The following ZNF248 variants were observed in gnomAD, a reference collection of about 807,000 sequenced individuals.
ZNF248 encodes zinc finger protein 248, also known as KRAB protein domain.
ZNF248 carries 20 observed loss-of-function variants against 44.3 expected under a neutral mutation model. The ratio of observed to expected loss-of-function variants is 0.45; its 90% CI spans 0.32 to 0.66. The LOEUF is 0.66. ZNF248 is among the 30% of genes least tolerant of loss of function. The probability of loss-of-function intolerance (pLI) is 0.04; values close to 1 mark genes in which losing one functional copy is unlikely to be tolerated. For synonymous variants in ZNF248, 224 were observed against 229.0 expected (o/e 0.98, Z 0.20); for missense variants, 654 against 677.0 (o/e 0.97, Z 0.38).
intron 3 of ZNF248, among the ~76,000 whole-genome samples, chr10:37,843,696 T>A (rs141589073): frequency 6.6e-6 from 1 of 152,228 alleles, no homozygotes; most frequent in East Asian, 1.9e-4. Flanking sequence ...GCCAACAATG[T>A]CTGAACTGAG....
chr10:37,832,601 T>C lies in ZNF248; in HGVS notation c.754A>G (p.Ile252Val), dbSNP rs1367735317. 1 of 1,613,684 alleles carries C rather than the reference T, an allele frequency of 6.2e-7. No individual in the cohort carries two copies. ...CKYNECGRTFIESLKLNISQR... is the reference protein window; with the variant it reads ...CKYNECGRTFVESLKLNISQR... ...GATATATTCAGCTTTAAACTTTCAA[T>C]GAAGGTTCTTCCACATTCGTTATAT... Residue 252 changes from isoleucine (I) to valine (V), a missense_variant, in exon 6 of 6, where the codon ATT becomes GTT. By Grantham distance (29) the Ile-to-Val change is conservative (BLOSUM62 3). Coordinates refer to ENST00000395867, the MANE Select transcript of ZNF248 (RefSeq NM_021045.3).
chr10:37,833,045 G>C lies in ZNF248; in HGVS notation c.310C>G (p.Leu104Val). Residue 104 changes from leucine to valine, a missense_variant, in exon 6 of 6, where the codon CTA becomes GTA. By Grantham distance (32) the Leu-to-Val change is conservative. Transcript: ENST00000395867. ...CTTACTGTTTTGTTGTTGTGGAATA[G>C]AAGCTCCCAAAAATGGTCATCTTCA... ...ENEDDHFWEL[L>V]FHNNKTVSVE... The C allele has an allele frequency of 6.2e-7, 1 of 1,612,248 alleles. No homozygotes were observed. Among genetic ancestry groups the C allele is most frequent in the Non-Finnish European group, 8.5e-7 (1 of 1,179,442 alleles).
intron 6 of ZNF248, among the ~76,000 whole-genome samples, chr10:37,813,025 GAA>G (rs75862715): frequency 0.016 from 1,772 of 108,658 alleles, 14 homozygotes; most frequent in Middle Eastern, 0.023. Flanking sequence ...ATGGCAAAAA[GAA>G]AAAAAAAAAA....
chr10:37,772,298 C>G (rs1481292497), downstream of ZNF248, among the ~76,000 whole-genome samples: 1 of 151,492 alleles, frequency 6.6e-6, no homozygotes, highest in Non-Finnish European at 1.5e-5. Context: ...AGTCTGGTTT[C>G]TGCATTTACA....
chr10:37,838,041 T>C lies in ZNF248; in HGVS notation c.86A>G (p.Gln29Arg). Residue 29 changes from glutamine (Q) to arginine (R), a missense_variant, in exon 4 of 6, where the codon CAG becomes CGG. Physicochemically the swap from Gln to Arg is conservative, Grantham distance 43. Coordinates refer to ENST00000395867, the MANE Select transcript of ZNF248 (RefSeq NM_021045.3). ...GATCACATCTCTGTATAGAATCTTC[T>C]GAGCAGGGTCCAGCAGATACCACTC... ...QEEWYLLDPA[Q>R]KILYRDVILE... The C allele has an allele frequency of 6.2e-7, 1 of 1,613,952 alleles. No individual in the cohort carries two copies. Among genetic ancestry groups the C allele is most frequent in the Non-Finnish European group, 8.5e-7 (1 of 1,179,890 alleles).
intron 6 of ZNF248, among the ~76,000 whole-genome samples, chr10:37,787,669 G>C (rs1401955457): frequency 6.6e-6 from 1 of 151,224 alleles, no homozygotes; most frequent in Admixed American, 6.6e-5. Context: ...TAGTAACTTA[G>C]ACCTTTACCT....
At chr10:37,807,729 T>C (rs2050788647) in intron 6 of ZNF248, among the ~76,000 whole-genome samples, 1 of 152,232 alleles carries the variant, frequency 6.6e-6, no homozygotes, top group Non-Finnish European at 1.5e-5. Context: ...ACACAACTGA[T>C]TTTTGTGTGT....
At chr10:37,802,880 T>TGTTGCCTG (rs2049998640) in intron 6 of ZNF248, 1 of 152,278 alleles carries the variant, frequency 6.6e-6, no homozygotes, top group Admixed American at 6.5e-5. Flanking sequence ...TGTACCACAG[T>TGTTGCCTG]GGTATGATTC....
chr10:37,823,688 C>A (rs1207000586), intron 6 of ZNF248, among the ~76,000 whole-genome samples: 1 of 152,020 alleles, frequency 6.6e-6, no homozygotes, highest in African/African-American at 2.4e-5. Context: ...ATTCTTGTGT[C>A]TTAGCCTCCT....
chr10:37,841,695 A>G (rs1183880138), intron 3 of ZNF248, among the ~76,000 whole-genome samples: 1 of 152,244 alleles, frequency 6.6e-6, no homozygotes, highest in Non-Finnish European at 1.5e-5. Context: ...GTGGAGAAAC[A>G]TGACCACACT....
intron 6 of ZNF248, chr10:37,819,587 T>C (rs2053124443): frequency 3.4e-6 from 3 of 877,324 alleles, no homozygotes; most frequent in South Asian, 1.3e-5. Context: ...ATCTTCATTA[T>C]GTATCCTTTT....
In ZNF248 at chr10:37,819,828, C is replaced by T. The variant is rs1243986396; in HGVS notation, c.330+13197G>A. On this transcript the variant is annotated intron_variant, in intron 6 of 6. Transcript: ENST00000615949. ...CCCATGGCAGGAGGTTTCCGCTTTG[C>T]TAACATTTTCCGTTGTCTATCTCTT... 20 of 786,974 alleles carry T rather than the reference C, an allele frequency of 2.5e-5. No homozygotes were observed. The Admixed American group carries it at 3.2e-4, about 13-fold the overall frequency. The allele number at this position is 786,974 out of a possible 1,614,324, so 48.7% of individuals were successfully genotyped here. A position where few individuals can be genotyped will look rare whatever the true frequency, so the allele number is the denominator to read the frequency against.
intron 6 of ZNF248, among the ~76,000 whole-genome samples, chr10:37,781,562 C>T (rs1001336455): frequency 1.3e-5 from 2 of 150,916 alleles, no homozygotes; most frequent in Admixed American, 6.6e-5. Context: ...ACCCCTTAGC[C>T]GTTAATTCAG....
At chr10:37,809,425 C>A (rs182676621) in intron 6 of ZNF248, among the ~76,000 whole-genome samples, 26 of 152,112 alleles carry the variant, frequency 1.7e-4, no homozygotes, top group African/African-American at 6.3e-4. Flanking sequence ...TTACAGGCAC[C>A]CGCCACCATG....
At chr10:37,766,119 C>T in the ZNF248 span, among the ~76,000 whole-genome samples, 4 of 152,402 alleles carry the variant, frequency 2.6e-5, no homozygotes, top group East Asian at 7.7e-4. Context: ...GAAGCTCGAA[C>T]TGGGTGGAGC....
intron 6 of ZNF248, chr10:37,796,233 T>C (rs1046254233): frequency 6.6e-6 from 1 of 151,996 alleles, no homozygotes; most frequent in Non-Finnish European, 1.5e-5. Flanking sequence ...TTTTTTTTTT[T>C]TTTTGACAGT....
chr10:37,769,497 T>C, the ZNF248 span, among the ~76,000 whole-genome samples: 3 of 152,132 alleles, frequency 2.0e-5, no homozygotes, highest in African/African-American at 7.2e-5. Flanking sequence ...TAATCCAGCA[T>C]ATAAACAGAA....
At chr10:37,779,988 A>G (rs1480880560) in intron 6 of ZNF248, among the ~76,000 whole-genome samples, 2 of 150,212 alleles carry the variant, frequency 1.3e-5, no homozygotes, top group East Asian at 1.9e-4. Context: ...AAGGAGAACT[A>G]CAAACCACTG....
chr10:37,832,175 T>C lies in ZNF248; in HGVS notation c.1180A>G (p.Asn394Asp). 6.2e-7 allele frequency: 1 copy of C among 1,614,014 alleles called. No homozygotes were observed. The highest frequency in any genetic ancestry group is 8.5e-7 in the Non-Finnish European group (1 of 1,179,948). ...ECGKTFWEKSNLTQHQRTHTG... is the reference protein window; with the variant it reads ...ECGKTFWEKSDLTQHQRTHTG... ...TGTGTTCTCTGATGTTGAGTGAGGT[T>C]TGACTTCTCCCAGAAGGTTTTCCCA... The change falls in exon 6 of 6, where the codon AAC (asparagine) becomes GAC (aspartate). Residue 394 changes from asparagine (N) to aspartate (D), a missense_variant. By Grantham distance (23) the Asn-to-Asp change is conservative. Transcript: ENST00000395867.
Sources: gnomAD v4.1 joint callset for allele counts (sites outside exome capture counted in the v4.1 genomes callset) on GRCh38, gnomAD v4.1.1 for gene constraint, MANE v1.5 for transcripts, NCBI Gene and HGNC (gene_info 2026-07-23, HGNC 2026-07-21) for gene names.